BTRC: variants seen among roughly 807,000 people sequenced by gnomAD.
BTRC encodes the protein beta-transducin repeat containing E3 ubiquitin protein ligase.
In BTRC, 42 loss-of-function variants were observed where a neutral mutation model predicts 85.5. The observed-to-expected ratio is 0.49, with a 90% CI of 0.38 to 0.64. BTRC has a LOEUF of 0.64. Ranked by LOEUF, BTRC falls within the 30% of genes least tolerant of loss-of-function variation. The probability of loss-of-function intolerance (pLI) is 0.00; values close to 1 mark genes in which losing one functional copy is unlikely to be tolerated. For missense variants in BTRC, 594 were observed against 743.5 expected, an observed-to-expected ratio of 0.80 and a Z score of 2.34; for synonymous variants, 255 against 263.3, an observed-to-expected ratio of 0.97 and a Z score of 0.30.
At chr10:101,459,207 C>T (rs1458061200) in intron 2 of BTRC, among the ~76,000 whole-genome samples, 1 of 152,152 alleles carries the variant, frequency 6.6e-6, no homozygotes, top group Non-Finnish European at 1.5e-5. Context: ...GAAAATTATG[C>T]ACATAGCTTA....
intron 1 of BTRC, among the ~76,000 whole-genome samples, chr10:101,422,962 G>A (rs1819966057): frequency 6.6e-6 from 1 of 151,964 alleles, no homozygotes; most frequent in Non-Finnish European, 1.5e-5. Context: ...GCTCTTTTTT[G>A]GTTCCATATG....
At chr10:101,527,761 GTCTCTCTCTC>G (rs5787436) in intron 6 of BTRC, among the ~76,000 whole-genome samples, 70 of 142,498 alleles carry the variant, frequency 4.9e-4, no homozygotes, top group African/African-American at 1.4e-3. Flanking sequence ...CTCTTTCTCT[GTCTCTCTCTC>G]TCTCTCTCTC....
intron 1 of BTRC, among the ~76,000 whole-genome samples, chr10:101,364,407 T>A (rs1024595141): frequency 1.3e-5 from 2 of 152,186 alleles, no homozygotes; most frequent in African/African-American, 4.8e-5. Flanking sequence ...TTGATGTCAC[T>A]GGAATGGCAT....
At chr10:101,503,900 A>T (rs1390644427) in intron 4 of BTRC, among the ~76,000 whole-genome samples, 1 of 152,208 alleles carries the variant, frequency 6.6e-6, no homozygotes, top group Non-Finnish European at 1.5e-5. Flanking sequence ...TTAGAGCACA[A>T]AGAAGAGCAG....
chr10:101,411,346 G>C (rs1327845539), intron 1 of BTRC, among the ~76,000 whole-genome samples: 5 of 152,076 alleles, frequency 3.3e-5, no homozygotes, highest in African/African-American at 1.2e-4. Flanking sequence ...TCATTCTTCA[G>C]ATATATTTGG....
intron 1 of BTRC, among the ~76,000 whole-genome samples, chr10:101,383,397 TAA>T (rs201618642): frequency 6.0e-5 from 8 of 132,792 alleles, no homozygotes; most frequent in South Asian, 4.7e-4. Context: ...TCTTCCTTTT[TAA>T]AAAAAAAAAA....
chr10:101,359,194 A>G (rs1182138456), intron 1 of BTRC, among the ~76,000 whole-genome samples: 4 of 152,208 alleles, frequency 2.6e-5, no homozygotes, highest in African/African-American at 9.6e-5. Context: ...AACAGATTAC[A>G]TTTTAAAATA....
intron 3 of BTRC, among the ~76,000 whole-genome samples, chr10:101,477,538 TC>T (rs1333837210): frequency 5.9e-5 from 9 of 152,188 alleles, no homozygotes; most frequent in Non-Finnish European, 1.3e-4. Context: ...GATCTCAAAC[TC>T]CTAGGCTCAA....
chr10:101,368,234 C>T (rs982593247), intron 1 of BTRC, among the ~76,000 whole-genome samples: 3 of 152,196 alleles, frequency 2.0e-5, no homozygotes, highest in Admixed American at 2.0e-4. Flanking sequence ...TTTGGTTTCT[C>T]TCTTGGCGTG....
At chr10:101,366,113 G>A (rs1286730287) in intron 1 of BTRC, among the ~76,000 whole-genome samples, 1 of 151,986 alleles carries the variant, frequency 6.6e-6, no homozygotes, top group Non-Finnish European at 1.5e-5. Flanking sequence ...TGTATCCAAG[G>A]TTTTCATAGG....
intron 3 of BTRC, among the ~76,000 whole-genome samples, chr10:101,476,196 A>C (rs1945682686): frequency 6.6e-6 from 1 of 151,986 alleles, no homozygotes; most frequent in African/African-American, 2.4e-5. Flanking sequence ...AGTGCTGTTT[A>C]GCAGTGTCAG....
intron 3 of BTRC, among the ~76,000 whole-genome samples, chr10:101,466,917 A>G (rs1304664201): frequency 6.6e-6 from 1 of 152,214 alleles, no homozygotes; most frequent in East Asian, 1.9e-4. Context: ...AGCAGTGAAG[A>G]ACTTAAATCA....
At position 101,366,926 on chromosome 10, in the gene BTRC, A is replaced by G. The variant is rs866210841; in HGVS notation, c.48+12698A>G. Among the ~76,000 whole-genome samples the G allele has an allele frequency of 2.5e-4, 5 of 20,330 alleles. 1 individual carries two copies. Among genetic ancestry groups the G allele is most frequent in the Non-Finnish European group, 3.0e-4 (4 of 13,396 alleles). 13.3% of individuals were successfully genotyped at this position (20,330 alleles called of 152,430 possible). ...TATATATTAATATATATTTATATAT[A>G]TTTATATATATTTATATATATTTAT... On this transcript the variant is annotated intron_variant, in intron 1 of 14. Transcript: ENST00000370187.
intron 4 of BTRC, among the ~76,000 whole-genome samples, chr10:101,509,243 ATTTTTTTT>A (rs71016330): frequency 2.9e-5 from 2 of 69,912 alleles, no homozygotes; most frequent in African/African-American, 1.4e-4. Flanking sequence ...GGCAATGTGG[ATTTTTTTT>A]TTTTTTTTTT....
intron 1 of BTRC, among the ~76,000 whole-genome samples, chr10:101,411,450 T>TA (rs755860156): frequency 2.6e-5 from 4 of 152,248 alleles, no homozygotes; most frequent in Non-Finnish European, 5.9e-5. Context: ...TTAGACCACT[T>TA]ACAATTTCCT....
intron 2 of BTRC, among the ~76,000 whole-genome samples, chr10:101,453,794 A>G (rs1045314149): frequency 2.0e-5 from 3 of 152,208 alleles, no homozygotes; most frequent in African/African-American, 7.2e-5. Context: ...TCAAAAATAC[A>G]AACAGCCTCA....
intron 1 of BTRC, among the ~76,000 whole-genome samples, chr10:101,390,882 A>G (rs569952195): frequency 6.6e-6 from 1 of 152,326 alleles, no homozygotes; most frequent in Non-Finnish European, 1.5e-5. Flanking sequence ...AAGGAGGTGC[A>G]TCAGTTAAGA....
At chr10:101,510,519 C>A (rs201696501) in intron 4 of BTRC, among the ~76,000 whole-genome samples, 29 of 141,192 alleles carry the variant, frequency 2.1e-4, no homozygotes, top group Non-Finnish European at 2.7e-4. Context: ...TAAAAAAAAA[C>A]AAAAAAAAAA....
intron 12 of BTRC, 143 bp downstream of exon 12, chr10:101,536,796 C>T (rs192730897): frequency 8.6e-5 from 49 of 571,818 alleles, no homozygotes; most frequent in African/African-American, 7.7e-4. Flanking sequence ...TTCTTTAATC[C>T]GTGTATTTAC....
Sources: gnomAD v4.1 joint callset for allele counts (sites outside exome capture counted in the v4.1 genomes callset) on GRCh38, gnomAD v4.1.1 for gene constraint, MANE v1.5 for transcripts, NCBI Gene and HGNC (gene_info 2026-07-23, HGNC 2026-07-21) for gene names.